OR2L13: variants seen among roughly 807,000 people sequenced by gnomAD.
The protein encoded by OR2L13 is olfactory receptor family 2 subfamily L member 13, also known as olfactory receptor 2L13.
Under a neutral mutation model 15.3 loss-of-function variants are expected in OR2L13, and 14 were observed. The observed-to-expected ratio is 0.91, with a 90% CI of 0.60 to 1.43. The LOEUF (loss-of-function observed/expected upper bound fraction) is 1.43. OR2L13 is among the 40% of genes most tolerant of loss of function. The probability of loss-of-function intolerance (pLI) is 0.00; values close to 1 mark genes in which losing one functional copy is unlikely to be tolerated. For missense variants in OR2L13, 367 were observed against 387.9 expected (o/e 0.95, Z 0.45); for synonymous variants, 152 against 142.9 (o/e 1.06, Z -0.45).
the OR2L13 span, among the ~76,000 whole-genome samples, chr1:248,000,065 A>G: frequency 6.6e-6 from 1 of 151,212 alleles, no homozygotes; most frequent in African/African-American, 2.4e-5. Flanking sequence ...TCTTGCAGGT[A>G]AGCCAACTTG....
chr1:248,052,759 G>A, the OR2L13 span, among the ~76,000 whole-genome samples: 2 of 151,674 alleles, frequency 1.3e-5, no homozygotes, highest in African/African-American at 4.8e-5. Context: ...GATTGTATGA[G>A]TCTTTAAATT....
At chr1:248,076,592 T>C in the OR2L13 span, among the ~76,000 whole-genome samples, 1 of 152,340 alleles carries the variant, frequency 6.6e-6, no homozygotes, top group Non-Finnish European at 1.5e-5. Context: ...CTAGATATTT[T>C]ATTCTCTTTG....
At chr1:247,982,078 G>A in the OR2L13 span, among the ~76,000 whole-genome samples, 145 of 152,300 alleles carry the variant, frequency 9.5e-4, 4 homozygotes, top group East Asian at 0.025. Context: ...GCCTCCCAAA[G>A]TGCTGGGATT....
chr1:248,096,240 G>A (rs541742539), upstream of OR2L13, among the ~76,000 whole-genome samples: 8 of 151,952 alleles, frequency 5.3e-5, no homozygotes, highest in East Asian at 3.9e-4. Flanking sequence ...AAAATTAGCC[G>A]GGCGTGGTGG....
the OR2L13 span, among the ~76,000 whole-genome samples, chr1:248,012,718 G>A: frequency 6.6e-6 from 1 of 151,992 alleles, no homozygotes; most frequent in Admixed American, 6.6e-5. Flanking sequence ...TACCTACCCT[G>A]ATTAGATCAT....
chr1:247,949,045 G>C, the OR2L13 span: 1 of 1,613,820 alleles, frequency 6.2e-7, no homozygotes, highest in Non-Finnish European at 8.5e-7. Context: ...TTCCTACTGA[G>C]TCAGCTCTCC....
the OR2L13 span, chr1:247,948,876 A>ACATCAACT: frequency 3.1e-5 from 50 of 1,607,860 alleles, no homozygotes; most frequent in Non-Finnish European, 4.1e-5. Context: ...TTACAATCAA[A>ACATCAACT]CATCAACTGA....
At chr1:247,990,363 G>A in the OR2L13 span, 1,159 of 1,551,352 alleles carry the variant, frequency 7.5e-4, 13 homozygotes, top group African/African-American at 0.013. Context: ...CATTAATTTC[G>A]TTTTCCTAAT....
At chr1:248,080,672 A>G in the OR2L13 span, among the ~76,000 whole-genome samples, 1 of 152,222 alleles carries the variant, frequency 6.6e-6, no homozygotes, top group Non-Finnish European at 1.5e-5. Flanking sequence ...TAGCCAGTCT[A>G]TCACTGATGG....
the OR2L13 span, chr1:247,996,903 C>T: frequency 6.6e-6 from 1 of 152,176 alleles, no homozygotes; most frequent in Non-Finnish European, 1.5e-5. Context: ...AACATCTGTA[C>T]ATTCTGACTT....
the OR2L13 span, among the ~76,000 whole-genome samples, chr1:247,979,800 A>G: frequency 6.6e-6 from 1 of 152,130 alleles, no homozygotes; most frequent in African/African-American, 2.4e-5. Flanking sequence ...AACGACTCCT[A>G]GATGTGGCAT....
chr1:248,064,976 GCCA>G, the OR2L13 span, among the ~76,000 whole-genome samples: 1 of 152,134 alleles, frequency 6.6e-6, no homozygotes, highest in East Asian at 1.9e-4. Flanking sequence ...GTACTCAGAG[GCCA>G]CTCCTTTCCC....
At chr1:248,071,714 A>T in the OR2L13 span, among the ~76,000 whole-genome samples, 33 of 150,638 alleles carry the variant, frequency 2.2e-4, no homozygotes, top group African/African-American at 7.8e-4. Flanking sequence ...AGATGATTGT[A>T]TATCTAGAAA....
chr1:248,078,790 A>T, the OR2L13 span, among the ~76,000 whole-genome samples: 2 of 152,186 alleles, frequency 1.3e-5, no homozygotes, highest in Non-Finnish European at 2.9e-5. Flanking sequence ...TTCAGAAAAT[A>T]AAAAGAACAA....
chr1:248,022,214 G>A, the OR2L13 span: 1 of 1,614,112 alleles, frequency 6.2e-7, no homozygotes, highest in South Asian at 1.1e-5. Context: ...ATGGAAACAA[G>A]TCTATCTCCT....
At chr1:247,955,730 C>A in the OR2L13 span, among the ~76,000 whole-genome samples, 2 of 151,298 alleles carry the variant, frequency 1.3e-5, no homozygotes, top group African/African-American at 4.8e-5. Flanking sequence ...CTTTTGGCTG[C>A]ATAAATGTCT....
chr1:248,039,454 C>A, the OR2L13 span: 12 of 300,172 alleles, frequency 4.0e-5, no homozygotes, highest in Admixed American at 1.9e-4. Context: ...GATTTTGGCT[C>A]TTGTTGCCCA....
At chr1:247,973,334 A>C in the OR2L13 span, among the ~76,000 whole-genome samples, 1 of 152,208 alleles carries the variant, frequency 6.6e-6, no homozygotes, top group Non-Finnish European at 1.5e-5. Flanking sequence ...GAGGAAGTCC[A>C]ATTGCCTCTG....
At chr1:248,064,432 C>G in the OR2L13 span, among the ~76,000 whole-genome samples, 1 of 152,290 alleles carries the variant, frequency 6.6e-6, no homozygotes, top group South Asian at 2.1e-4. Context: ...AACTTCCCAG[C>G]TTCCACAACT....
Sources: allele counts gnomAD v4.1 joint callset (sites outside exome capture counted in the v4.1 genomes callset), GRCh38; gene constraint gnomAD v4.1.1; transcripts MANE v1.5; gene names NCBI Gene and HGNC (gene_info 2026-07-23, HGNC 2026-07-21).